VAT1L: variants seen among roughly 807,000 people sequenced by gnomAD.
The protein encoded by VAT1L is vesicle amine transport 1 like.
In VAT1L, 34 loss-of-function variants were observed where a neutral mutation model predicts 44.1. The ratio of observed to expected loss-of-function variants is 0.77; its 90% CI spans 0.59 to 1.03. The LOEUF is 1.03. Among genes scored for constraint, VAT1L ranks in the 50% least tolerant of loss-of-function variants. The pLI, the probability that VAT1L is intolerant of heterozygous loss-of-function variation, is 0.00. For synonymous variants in VAT1L, 253 were observed against 202.2 expected, an observed-to-expected ratio of 1.25 and a Z score of -2.13; for missense variants, 615 against 538.8, an observed-to-expected ratio of 1.14 and a Z score of -1.40.
At chr16:77,870,645 C>T (rs1048222292) in intron 4 of VAT1L, among the ~76,000 whole-genome samples, 1 of 152,206 alleles carries the variant, frequency 6.6e-6, no homozygotes, top group African/African-American at 2.4e-5. Flanking sequence ...CATATAATCC[C>T]CGAGCTGGGG....
intron 7 of VAT1L, among the ~76,000 whole-genome samples, chr16:77,945,152 A>G (rs917693919): frequency 2.0e-5 from 3 of 152,142 alleles, no homozygotes; most frequent in Non-Finnish European, 2.9e-5. Context: ...TAGTCTGTCC[A>G]ATCTGTGGGG....
intron 7 of VAT1L, among the ~76,000 whole-genome samples, chr16:77,920,429 T>A (rs1415144326): frequency 1.3e-5 from 2 of 152,150 alleles, no homozygotes; most frequent in African/African-American, 4.8e-5. Context: ...CAGCGACACA[T>A]AGCTGCCATT....
intron 7 of VAT1L, among the ~76,000 whole-genome samples, chr16:77,891,482 G>C (rs2017265476): frequency 6.6e-6 from 1 of 152,336 alleles, no homozygotes; most frequent in South Asian, 2.1e-4. Context: ...CTATGAGACG[G>C]TATCATCCTT....
chr16:77,865,443 G>A (rs1597073713), intron 4 of VAT1L, among the ~76,000 whole-genome samples: 2 of 152,162 alleles, frequency 1.3e-5, no homozygotes, highest in Admixed American at 1.3e-4. Flanking sequence ...GTGATGGCCT[G>A]GAGACTGTGC....
chr16:77,918,536 C>G (rs188661498), intron 7 of VAT1L, among the ~76,000 whole-genome samples: 1 of 152,150 alleles, frequency 6.6e-6, no homozygotes, highest in Admixed American at 6.6e-5. Context: ...TCAACCCTTG[C>G]TCTCCTCATG....
At chr16:77,896,182 T>G (rs1314854135) in intron 7 of VAT1L, among the ~76,000 whole-genome samples, 1 of 152,194 alleles carries the variant, frequency 6.6e-6, no homozygotes, top group African/African-American at 2.4e-5. Flanking sequence ...ACTCTGAGCC[T>G]CCCTGCCTTT....
chr16:77,975,593 C>T (rs1241128590), intron 8 of VAT1L, among the ~76,000 whole-genome samples: 1 of 152,206 alleles, frequency 6.6e-6, no homozygotes, highest in Non-Finnish European at 1.5e-5. Context: ...CTAGAATAGT[C>T]TGGGCTCTAA....
intron 7 of VAT1L, among the ~76,000 whole-genome samples, chr16:77,910,687 A>AG (rs965442751): frequency 7.3e-5 from 11 of 151,432 alleles, no homozygotes; most frequent in African/African-American, 2.7e-4. Context: ...AAAAAAAAAA[A>AG]AAAAAAGAAA....
chr16:77,876,462 A>G lies in VAT1L; in HGVS notation c.815A>G (p.Tyr272Cys). The stretch of plus-strand genomic sequence containing the variant: ...AGTCTTCTCAAACCCCTGGGAACCT[A>G]CATTTTATATGGTGAGTGCAAAACA... ...GLSLLKPLGT[Y>C]ILYGSSNMVT... The change falls in exon 5 of 9, where the codon TAC becomes TGC. Residue 272 changes from tyrosine (Y) to cysteine (C), a missense_variant. Physicochemically the swap from Tyr to Cys is radical, Grantham distance 194 (BLOSUM62 -2). Transcript: ENST00000302536. 6.2e-7 allele frequency: 1 copy of G among 1,614,190 alleles called. No homozygotes were observed. Among genetic ancestry groups the G allele is most frequent in the Non-Finnish European group, 8.5e-7 (1 of 1,180,006 alleles).
intron 3 of VAT1L, among the ~76,000 whole-genome samples, chr16:77,827,401 C>A (rs2016533987): frequency 6.6e-6 from 1 of 152,056 alleles, no homozygotes; most frequent in African/African-American, 2.4e-5. Context: ...TTGTTTTGTT[C>A]TTGGAGCAAA....
intron 7 of VAT1L, among the ~76,000 whole-genome samples, chr16:77,901,586 C>G (rs1001588533): frequency 6.6e-6 from 1 of 152,168 alleles, no homozygotes; most frequent in Non-Finnish European, 1.5e-5. Context: ...AGTCTCCTCT[C>G]AGAGCAGGTG....
intron 7 of VAT1L, among the ~76,000 whole-genome samples, chr16:77,952,182 T>C (rs2018052277): frequency 6.6e-6 from 1 of 152,208 alleles, no homozygotes; most frequent in African/African-American, 2.4e-5. Context: ...GATTTATGTC[T>C]TAAAGGAGCA....
intron 3 of VAT1L, among the ~76,000 whole-genome samples, chr16:77,837,983 G>A (rs574485129): frequency 6.6e-6 from 1 of 152,270 alleles, no homozygotes; most frequent in South Asian, 2.1e-4. Context: ...GAAACCTAGA[G>A]CGAGGGGCAA....
Position 77,879,239 on chromosome 16 carries a change from A to T in VAT1L, c.882+15A>T. The T allele has an allele frequency of 6.2e-7, 1 of 1,613,120 alleles. No individual in the cohort carries two copies. Among genetic ancestry groups the T allele is most frequent in the East Asian group, 2.2e-5 (1 of 44,884 alleles). On this transcript the variant is annotated intron_variant, in intron 6 of 8. Coordinates refer to ENST00000302536, the MANE Select transcript of VAT1L (RefSeq NM_020927.3). This position sits in a 1 kb window ranked among gnomAD's most constrained non-coding sequence, Gnocchi z 4.1. ...TTGCAAAATCAGTAAGTATCCAGGC[A>T]CATCTGATGTACTGTGGTGGCATGT...
intron 3 of VAT1L, among the ~76,000 whole-genome samples, chr16:77,838,756 G>A (rs1034592496): frequency 4.3e-5 from 6 of 138,272 alleles, no homozygotes; most frequent in African/African-American, 8.2e-5. Flanking sequence ...TCTCTTTTCC[G>A]TTTCCTTCTC....
At chr16:77,800,633 T>C (rs1466242763) in intron 1 of VAT1L, 1 of 152,100 alleles carries the variant, frequency 6.6e-6, no homozygotes, top group Non-Finnish European at 1.5e-5. Flanking sequence ...TGCCATACAC[T>C]AAAGCCACCC....
At chr16:77,838,031 G>A (rs2016659352) in intron 3 of VAT1L, among the ~76,000 whole-genome samples, 1 of 152,148 alleles carries the variant, frequency 6.6e-6, no homozygotes, top group Admixed American at 6.6e-5. Flanking sequence ...TATCTTCCCT[G>A]ACAGCCGCTG....
intron 4 of VAT1L, among the ~76,000 whole-genome samples, chr16:77,872,510 A>G (rs1245732920): frequency 6.6e-6 from 1 of 152,050 alleles, no homozygotes; most frequent in East Asian, 1.9e-4. Context: ...CTGACCACCA[A>G]CCTGAAGCCC....
intron 7 of VAT1L, among the ~76,000 whole-genome samples, chr16:77,914,898 G>A (rs1460501577): frequency 6.6e-6 from 1 of 152,208 alleles, no homozygotes; most frequent in Non-Finnish European, 1.5e-5. Context: ...GACTAAGGCA[G>A]GCGGATCACC....
Sources: gnomAD v4.1 joint callset for allele counts (sites outside exome capture counted in the v4.1 genomes callset) on GRCh38, gnomAD v4.1.1 for gene constraint, Gnocchi (gnomAD v3.1) non-coding constraint, MANE v1.5 for transcripts, NCBI Gene and HGNC (gene_info 2026-07-23, HGNC 2026-07-21) for gene names.